MATN2: variants seen among roughly 807,000 people sequenced by gnomAD.
The protein encoded by MATN2 is matrilin 2.
In MATN2, 69 loss-of-function variants were observed where a neutral mutation model predicts 103.2. That is an observed-to-expected ratio of 0.67 (90% CI 0.55 to 0.82). The LOEUF (loss-of-function observed/expected upper bound fraction) is 0.82. Among genes scored for constraint, MATN2 ranks in the 40% least tolerant of loss-of-function variants. The pLI is 0.00. For missense variants in MATN2, 1,023 were observed against 1,211.5 expected, an observed-to-expected ratio of 0.84 and a Z score of 2.31; for synonymous variants, 429 against 450.2, an observed-to-expected ratio of 0.95 and a Z score of 0.60.
chr8:97,989,296 C>T (rs1381354453), intron 6 of MATN2, among the ~76,000 whole-genome samples: 2 of 152,048 alleles, frequency 1.3e-5, no homozygotes, highest in South Asian at 2.1e-4. Flanking sequence ...GGTGAAACCC[C>T]GTCTCTCCTA....
In MATN2 at chr8:98,016,635, C is replaced by T. The variant is rs369620547; in HGVS notation, c.1669C>T (p.Leu557Phe). 164 of 1,611,882 alleles carry T rather than the reference C, an allele frequency of 1.0e-4. No homozygotes were observed. The highest frequency in any genetic ancestry group is 1.7e-4 in the Admixed American group (10 of 59,808). ...FVCQCFEGYI[L>F]REDGKTCRRK... ...GTGCCAGTGCTTTGAAGGTTATATA[C>T]TCCGTGAAGATGGAAAAACCTGCAG... Residue 557 changes from leucine to phenylalanine, a missense_variant, in exon 11 of 19, where the codon CTC (leucine) becomes TTC (phenylalanine). Leu to Phe is a conservative substitution (Grantham distance 22). Coordinates refer to ENST00000254898, the MANE Select transcript of MATN2 (RefSeq NM_002380.5).
chr8:97,869,810 A>G (rs1220086186), intron 1 of MATN2, among the ~76,000 whole-genome samples: 1 of 152,130 alleles, frequency 6.6e-6, no homozygotes, highest in African/African-American at 2.4e-5. Flanking sequence ...AGGGGAAGGC[A>G]TTTTGTGGTA....
rs532823706 is a variant in MATN2, at chr8:98,011,292, G to A, written c.1573+3691G>A. 1.4e-3 allele frequency among the ~76,000 whole-genome samples: 220 copies of A among 152,280 alleles called. 3 individuals carry two copies. Among genetic ancestry groups the A allele is most frequent in the African/African-American group, 5.1e-3 (210 of 41,542 alleles). ...TGAATACCCTCACATCAGGGTTAGG[G>A]ATTCAGATGTAAATTTTGGGGGAAA... On this transcript the variant is annotated intron_variant, in intron 10 of 18. Coordinates refer to ENST00000254898, the MANE Select transcript of MATN2 (RefSeq NM_002380.5).
At chr8:97,994,206 A>AG (rs1489129357) in intron 6 of MATN2, among the ~76,000 whole-genome samples, 1 of 123,260 alleles carries the variant, frequency 8.1e-6, no homozygotes, top group East Asian at 2.8e-4. Context: ...AAGAGGGAAG[A>AG]GGGGGAAGGG....
chr8:97,876,494 A>C (rs919455663), intron 1 of MATN2, among the ~76,000 whole-genome samples: 11 of 151,830 alleles, frequency 7.2e-5, no homozygotes, highest in Admixed American at 2.0e-4. Flanking sequence ...TGGACAATTC[A>C]TGTATTTTTT....
At chr8:97,874,038 C>G (rs1817985059) in intron 1 of MATN2, among the ~76,000 whole-genome samples, 1 of 152,184 alleles carries the variant, frequency 6.6e-6, no homozygotes, top group East Asian at 1.9e-4. Flanking sequence ...AGAAAAAATG[C>G]CCTCATGTCC....
At position 97,931,030 on chromosome 8, in the gene MATN2, G is replaced by A. The variant is rs1418611024; in HGVS notation, c.220G>A (p.Ala74Thr). 3 of 1,613,886 alleles carry A rather than the reference G, an allele frequency of 1.9e-6. No individual in the cohort carries two copies. In the African/African-American group the frequency reaches 4.0e-5, roughly 22 times the overall value. Residue 74 changes from alanine (A) to threonine (T), a missense_variant, in exon 3 of 19, where the codon GCA (alanine) becomes ACA (threonine). Physicochemically the swap from Ala to Thr is moderately conservative, Grantham distance 58. Transcript: ENST00000254898. This position sits in a 1 kb window ranked among gnomAD's most constrained non-coding sequence, Gnocchi z 4.1. ...TCGCAGTGTCAACACCCATGACTAT[G>A]CAAAGGTCAAGGAGTTCATCGTGGA... ...SSRSVNTHDY[A>T]KVKEFIVDIL...
At chr8:97,947,616 C>A (rs1011679761) in intron 4 of MATN2, among the ~76,000 whole-genome samples, 6 of 151,860 alleles carry the variant, frequency 4.0e-5, no homozygotes, top group African/African-American at 1.5e-4. Flanking sequence ...TTAAAAAAAA[C>A]CTAAATAAAT....
In MATN2 at chr8:98,018,132, G is replaced by A; in HGVS notation, c.1819+16G>A. On this transcript the variant is annotated intron_variant, in intron 12 of 18. Coordinates refer to ENST00000254898, the MANE Select transcript of MATN2 (RefSeq NM_002380.5). ...CGCTGCCGAAGTAAGTAGCCTCGAG[G>A]TGGAGAAGAACTTTTCCCTCTGTGG... The A allele has an allele frequency of 2.5e-6, 4 of 1,613,284 alleles. No individual in the cohort carries two copies. The highest frequency in any genetic ancestry group is 2.2e-5 in the East Asian group (1 of 44,856).
intron 6 of MATN2, among the ~76,000 whole-genome samples, chr8:97,980,350 G>C (rs900307530): frequency 1.5e-4 from 23 of 152,154 alleles, no homozygotes; most frequent in Admixed American, 1.4e-3. Flanking sequence ...CTGTGCTGTC[G>C]TCGTGGTTGG....
intron 2 of MATN2, among the ~76,000 whole-genome samples, chr8:97,901,635 G>A (rs920994605): frequency 6.6e-6 from 1 of 152,220 alleles, no homozygotes; most frequent in African/African-American, 2.4e-5. Context: ...AAGCTACAGT[G>A]TACAAGGCTT....
chr8:97,879,000 T>G (rs1818166521), intron 1 of MATN2, among the ~76,000 whole-genome samples: 1 of 152,220 alleles, frequency 6.6e-6, no homozygotes, highest in Non-Finnish European at 1.5e-5. Flanking sequence ...TAATATTTTG[T>G]TAATTAATGA....
intron 18 of MATN2, 120 bp from the exon 19 acceptor site, chr8:98,035,536 TG>T: frequency 1.7e-6 from 1 of 573,370 alleles, no homozygotes; most frequent in Non-Finnish European, 3.1e-6. Context: ...TTGACAGAAA[TG>T]GGAAAAAAAA....
At chr8:97,973,770 A>G (rs1373980157) in intron 5 of MATN2, among the ~76,000 whole-genome samples, 1 of 151,998 alleles carries the variant, frequency 6.6e-6, no homozygotes, top group Non-Finnish European at 1.5e-5. Flanking sequence ...GGGTCTCGCT[A>G]TGTATCCCAG....
chr8:97,917,911 C>G (rs1303809250), intron 2 of MATN2, among the ~76,000 whole-genome samples: 1 of 151,992 alleles, frequency 6.6e-6, no homozygotes, highest in Non-Finnish European at 1.5e-5. Context: ...ATGGCGAAAC[C>G]CTGTCTCTTT....
chr8:97,895,600 G>A (rs1369928660), intron 2 of MATN2, among the ~76,000 whole-genome samples: 1 of 152,204 alleles, frequency 6.6e-6, no homozygotes, highest in Admixed American at 6.5e-5. Context: ...ACTTACCTCA[G>A]AGGGATTCAC....
chr8:97,885,649 A>G (rs145932546), intron 1 of MATN2, among the ~76,000 whole-genome samples: 2 of 152,298 alleles, frequency 1.3e-5, no homozygotes, highest in African/African-American at 2.4e-5. Context: ...AAGAGTTTAA[A>G]TAGGCTGGGT....
chr8:97,899,490 G>A (rs969032631), intron 2 of MATN2, among the ~76,000 whole-genome samples: 1 of 152,154 alleles, frequency 6.6e-6, no homozygotes, highest in Non-Finnish European at 1.5e-5. Context: ...CTGAGCTCAA[G>A]GTGTCGGCTG....
At chr8:97,890,524 A>G (rs1448572033) in intron 2 of MATN2, among the ~76,000 whole-genome samples, 1 of 151,780 alleles carries the variant, frequency 6.6e-6, no homozygotes, top group African/African-American at 2.4e-5. Context: ...AGCAAACACT[A>G]TAGCTGTGGC....
Sources: gnomAD v4.1 joint callset for allele counts (sites outside exome capture counted in the v4.1 genomes callset) on GRCh38, gnomAD v4.1.1 for gene constraint, Gnocchi (gnomAD v3.1) non-coding constraint, MANE v1.5 for transcripts, NCBI Gene and HGNC (gene_info 2026-07-23, HGNC 2026-07-21) for gene names.